Variants in ATP2B2 observed in about 807,000 individuals in gnomAD.
ATP2B2 encodes the protein ATPase plasma membrane Ca2+ transporting 2.
A neutral mutation model predicts 120.0 loss-of-function variants in ATP2B2; 15 were observed. That is an observed-to-expected ratio of 0.12 (90% confidence interval 0.08 to 0.19). The LOEUF (loss-of-function observed/expected upper bound fraction) is 0.19. ATP2B2 is among the 10% of genes least tolerant of loss of function. The pLI is 1.00. For synonymous variants in ATP2B2, 694 were observed against 700.3 expected (o/e 0.99, Z 0.14); for missense variants, 1,045 against 1,719.8 (o/e 0.61, Z 6.94).
chr3:10,402,489 G>T lies in ATP2B2; in HGVS notation c.398-141C>A. 1 of 1,296,372 alleles carries T rather than the reference G, an allele frequency of 7.7e-7. No individual in the cohort carries two copies. Among genetic ancestry groups the T allele is most frequent in the Non-Finnish European group, 1.1e-6 (1 of 918,084 alleles). The allele number at this position is 1,296,372 out of a possible 1,614,324, so 80.3% of individuals were successfully genotyped here. On this transcript the variant is annotated intron_variant, in intron 3 of 22. Coordinates refer to ENST00000360273, the MANE Select transcript of ATP2B2 (RefSeq NM_001001331.4). This position sits in a 1 kb window ranked among gnomAD's most constrained non-coding sequence, Gnocchi z 4.9. The stretch of plus-strand genomic sequence containing the variant: ...TTATCCACTTACTCAGTGTGTCTGG[G>T]TACCAAGCCCTGTGGAAAGTGCTTC...
chr3:10,522,196 G>A (rs1042600340), intron 3 of ATP2B2, among the ~76,000 whole-genome samples: 11 of 152,290 alleles, frequency 7.2e-5, no homozygotes, highest in African/African-American at 2.2e-4. Flanking sequence ...CCAGCTCCTC[G>A]TGGTCCCGTG....
intron 2 of ATP2B2, among the ~76,000 whole-genome samples, chr3:10,427,470 C>A (rs1392707434): frequency 2.6e-5 from 4 of 152,232 alleles, no homozygotes; most frequent in African/African-American, 9.7e-5. Context: ...GTTCTAATCA[C>A]TCTGAAATGC....
chr3:10,627,168 T>C (rs945309464), intron 1 of ATP2B2, among the ~76,000 whole-genome samples: 2 of 152,210 alleles, frequency 1.3e-5, no homozygotes, highest in African/African-American at 4.8e-5. Flanking sequence ...ACAGTGTGGA[T>C]GGCAGGTTCT....
intron 1 of ATP2B2, among the ~76,000 whole-genome samples, chr3:10,683,934 G>A (rs1313668929): frequency 6.6e-6 from 1 of 151,276 alleles, no homozygotes; most frequent in Admixed American, 6.6e-5. Flanking sequence ...GTAAGTATCT[G>A]GGACTTAAAT....
At chr3:10,490,004 G>C (rs1294770796) in intron 1 of ATP2B2, among the ~76,000 whole-genome samples, 1 of 152,208 alleles carries the variant, frequency 6.6e-6, no homozygotes, top group Non-Finnish European at 1.5e-5. Context: ...CCTTTGCCTA[G>C]AGCACCCCTC....
Position 10,410,635 on chromosome 3 carries a change from G to A in ATP2B2, c.380C>T (p.Pro127Leu). The A allele has an allele frequency of 6.2e-7, 1 of 1,607,868 alleles. No homozygotes were observed. Residue 127 changes from proline (P) to leucine (L), a missense_variant, in exon 3 of 23, where the codon CCC becomes CTC. By Grantham distance (98) the Pro-to-Leu change is moderately conservative. This residue lies in a region of ATP2B2 where 35 missense variants were observed against 37.2 expected (regional missense o/e 0.94). Coordinates refer to ENST00000360273, the MANE Select transcript of ATP2B2 (RefSeq NM_001001331.4). ...CATCTTACCTTCGTTGCCCTCGCCG[G>A]GCGGGTGGTAGAAGGACAGCCCCAG... ...ISLGLSFYHP[P>L]GEGNEGCATA...
At chr3:10,690,432 ATATC>A (rs58646066) in intron 1 of ATP2B2, among the ~76,000 whole-genome samples, 14,819 of 148,776 alleles carry the variant, frequency 0.1, 810 homozygotes, top group African/African-American at 0.16. Context: ...ATCTATATCT[ATATC>A]TATCTATCTA....
At chr3:10,560,844 C>T (rs574702361) in intron 2 of ATP2B2, among the ~76,000 whole-genome samples, 1 of 152,178 alleles carries the variant, frequency 6.6e-6, no homozygotes, top group Non-Finnish European at 1.5e-5. Context: ...CTCTCCCCAG[C>T]CCCTCACAGC....
Position 10,340,814 on chromosome 3 carries a change from G to T in ATP2B2, c.2918-110C>A. On this transcript the variant is annotated intron_variant, in intron 19 of 22. Coordinates refer to ENST00000360273, the MANE Select transcript of ATP2B2 (RefSeq NM_001001331.4). The surrounding 1 kb of genome is among the most constrained non-coding windows in gnomAD (Gnocchi z 5.0). ...TCTGAGCAGTGACGTGAATCCCCAAGACATCAAGGCATGCTTGGACAGTGG... is the reference window on the plus strand; with the variant it reads ...TCTGAGCAGTGACGTGAATCCCCAATACATCAAGGCATGCTTGGACAGTGG... 9.2e-7 allele frequency: 1 copy of T among 1,085,638 alleles called. No individual in the cohort carries two copies. The highest frequency in any genetic ancestry group is 1.4e-6 in the Non-Finnish European group (1 of 721,918). The allele number at this position is 1,085,638 out of a possible 1,614,324, so 67.3% of individuals were successfully genotyped here.
intron 1 of ATP2B2, among the ~76,000 whole-genome samples, chr3:10,462,704 C>T (rs1205767967): frequency 2.6e-5 from 4 of 151,428 alleles, no homozygotes; most frequent in Admixed American, 1.3e-4. Flanking sequence ...GCTTTTCTGA[C>T]TCTGAAGCTG....
intron 22 of ATP2B2, among the ~76,000 whole-genome samples, chr3:10,331,663 A>G (rs2059983161): frequency 6.6e-6 from 1 of 151,708 alleles, no homozygotes; most frequent in South Asian, 2.1e-4. Flanking sequence ...TATGGGAAAA[A>G]AAAAAAAGGC....
At chr3:10,414,732 C>T (rs1186581407) in intron 2 of ATP2B2, among the ~76,000 whole-genome samples, 1 of 152,172 alleles carries the variant, frequency 6.6e-6, no homozygotes. Flanking sequence ...GGCGATGTGG[C>T]TGGAAGGGTG....
intron 1 of ATP2B2, among the ~76,000 whole-genome samples, chr3:10,688,973 G>C (rs975337968): frequency 6.6e-6 from 1 of 152,190 alleles, no homozygotes. Flanking sequence ...TCATTACCTG[G>C]TGTGGGGGTG....
intron 1 of ATP2B2, among the ~76,000 whole-genome samples, chr3:10,632,966 G>A (rs1026066240): frequency 6.6e-6 from 1 of 152,254 alleles, no homozygotes; most frequent in African/African-American, 2.4e-5. Flanking sequence ...CTCAAATGGA[G>A]GGGGGCACAT....
intron 1 of ATP2B2, among the ~76,000 whole-genome samples, chr3:10,461,169 C>A (rs1413476900): frequency 6.6e-6 from 1 of 152,158 alleles, no homozygotes; most frequent in Non-Finnish European, 1.5e-5. Context: ...CAGGGATTTG[C>A]GTATGTGCAT....
chr3:10,438,945 A>G (rs2063563291), intron 2 of ATP2B2, among the ~76,000 whole-genome samples: 1 of 152,218 alleles, frequency 6.6e-6, no homozygotes, highest in South Asian at 2.1e-4. Context: ...TGGGAGCTAG[A>G]GAACTGTTGC....
intron 8 of ATP2B2, 60 bp from the exon 9 acceptor site, chr3:10,379,344 C>T (rs145030483): frequency 8.9e-6 from 14 of 1,566,938 alleles, no homozygotes; most frequent in East Asian, 6.7e-5. Context: ...TCGGTCATCA[C>T]GAAGACGCAA....
chr3:10,416,695 G>A (rs912515112), intron 2 of ATP2B2, among the ~76,000 whole-genome samples: 2 of 152,106 alleles, frequency 1.3e-5, no homozygotes, highest in African/African-American at 4.8e-5. Context: ...CAGAGCTGGC[G>A]ACCTGGAGGA....
At chr3:10,612,609 A>G (rs910856633) in intron 2 of ATP2B2, among the ~76,000 whole-genome samples, 3 of 152,024 alleles carry the variant, frequency 2.0e-5, no homozygotes, top group African/African-American at 4.8e-5. Flanking sequence ...ATCCAGCCCC[A>G]TGGCTTTAAA....
Sources: gnomAD v4.1 joint callset for allele counts (sites outside exome capture counted in the v4.1 genomes callset) on GRCh38, gnomAD v4.1.1 for gene constraint, gnomAD v4.1.1 regional missense constraint, Gnocchi (gnomAD v3.1) non-coding constraint, MANE v1.5 for transcripts, NCBI Gene and HGNC (gene_info 2026-07-23, HGNC 2026-07-21) for gene names.